SCAPER: variants seen among roughly 807,000 people sequenced by gnomAD.
The protein encoded by SCAPER is S phase cyclin A-associated protein in the endoplasmic reticulum.
SCAPER carries 98 observed loss-of-function variants against 182.2 expected under a neutral mutation model. The ratio of observed to expected loss-of-function variants is 0.54; its 90% CI spans 0.46 to 0.64. The LOEUF is 0.64. Among genes scored for constraint, SCAPER ranks in the 30% least tolerant of loss-of-function variants. SCAPER has a pLI of 0.00. For synonymous variants in SCAPER, 605 were observed against 564.6 expected, an observed-to-expected ratio of 1.07 and a Z score of -1.01; for missense variants, 1,432 against 1,690.0, an observed-to-expected ratio of 0.85 and a Z score of 2.68.
At position 76,362,216 on chromosome 15, in the gene SCAPER, A is replaced by T. The variant is rs989555331; in HGVS notation, c.3856-8076T>A. Among the ~76,000 whole-genome samples the T allele has an allele frequency of 3.3e-5, 5 of 151,246 alleles. No homozygotes were observed. The East Asian group carries it at 9.9e-4, about 30-fold the overall frequency. ...TCGAACTCCTGATCTCAGGTGATCC[A>T]CCCGCCTCGGCCTCCCAAAGTGCTG... On this transcript the variant is annotated intron_variant, in intron 29 of 31. Coordinates refer to ENST00000563290, the MANE Select transcript of SCAPER (RefSeq NM_020843.4).
At chr15:76,375,801 T>C (rs2042518516) in intron 29 of SCAPER, among the ~76,000 whole-genome samples, 1 of 152,110 alleles carries the variant, frequency 6.6e-6, no homozygotes, top group South Asian at 2.1e-4. Flanking sequence ...CTGGCCAACA[T>C]GGCAAAACCC....
chr15:76,899,013 G>A (rs1401362372), intron 1 of SCAPER, among the ~76,000 whole-genome samples: 3 of 152,158 alleles, frequency 2.0e-5, no homozygotes, highest in Admixed American at 6.5e-5. Flanking sequence ...CTACCTTCAT[G>A]ATATTTGCCA....
chr15:76,518,498 T>C (rs1363823642), intron 23 of SCAPER, among the ~76,000 whole-genome samples: 1 of 152,194 alleles, frequency 6.6e-6, no homozygotes, highest in Non-Finnish European at 1.5e-5. Flanking sequence ...CTGCTTAATT[T>C]AGTCTAAAGG....
intron 1 of SCAPER, among the ~76,000 whole-genome samples, chr15:76,893,871 G>C (rs1476316229): frequency 2.0e-5 from 3 of 152,152 alleles, no homozygotes; most frequent in African/African-American, 7.2e-5. Flanking sequence ...TGAAACAAGT[G>C]AAAATGGTAA....
Position 76,718,761 on chromosome 15 carries a change from C to T in SCAPER, c.2165+9834G>A, listed in dbSNP as rs373241030. The stretch of plus-strand genomic sequence containing the variant: ...AAAATGGGTAAAGAATCGCCATAGA[C>T]ATTTCTCCAAAGAAGTCATAGTCAG... On this transcript the variant is annotated intron_variant, in intron 17 of 31. Coordinates refer to ENST00000563290, the MANE Select transcript of SCAPER (RefSeq NM_020843.4). Among the ~76,000 whole-genome samples, 3 of 151,932 alleles carry T rather than the reference C, an allele frequency of 2.0e-5. No individual in the cohort carries two copies. In the East Asian group the frequency reaches 5.8e-4, roughly 29 times the overall value.
Position 76,775,111 on chromosome 15 carries a change from T to G in SCAPER, c.779A>C (p.Lys260Thr). The change falls in exon 9 of 32, where the codon AAA becomes ACA. Residue 260 changes from lysine (K) to threonine (T), a missense_variant. Around this residue, in one of 5 missense-constraint regions of SCAPER, gnomAD observed 480 missense variants for 510.2 expected, o/e 0.94. Coordinates refer to ENST00000563290, the MANE Select transcript of SCAPER (RefSeq NM_020843.4). ...AACGGTCTCCCATCCTTCAGCATCT[T>G]TCCGTTCTATGCAATTAAAGTAAAA... ...VQKASRKNER[K>T]DAEGWETVQR... is the part of the protein sequence containing the mutation. 1 of 1,607,858 alleles carries G rather than the reference T, an allele frequency of 6.2e-7. No homozygotes were observed. The highest frequency in any genetic ancestry group is 8.5e-7 in the Non-Finnish European group (1 of 1,177,130).
chr15:76,446,073 A>G (rs1042709013), intron 25 of SCAPER, among the ~76,000 whole-genome samples: 28 of 152,160 alleles, frequency 1.8e-4, no homozygotes, highest in Admixed American at 1.7e-3. Flanking sequence ...GTTCCATGAT[A>G]ACAGCTCATC....
At chr15:76,655,868 A>G (rs1311968837) in intron 21 of SCAPER, among the ~76,000 whole-genome samples, 2 of 152,188 alleles carry the variant, frequency 1.3e-5, no homozygotes, top group Admixed American at 6.5e-5. Context: ...AAGGGAATTC[A>G]TTACCACAGA....
chr15:76,495,315 C>T (rs201148336), intron 24 of SCAPER, among the ~76,000 whole-genome samples: 5 of 151,990 alleles, frequency 3.3e-5, no homozygotes, highest in East Asian at 3.9e-4. Context: ...TGGTGGCTCA[C>T]GCCTGTAATC....
At chr15:76,844,079 C>G (rs972913567) in intron 4 of SCAPER, among the ~76,000 whole-genome samples, 1 of 152,206 alleles carries the variant, frequency 6.6e-6, no homozygotes, top group Non-Finnish European at 1.5e-5. Context: ...CTCAAATTAA[C>G]TTAAGTGATG....
chr15:76,508,300 TTAAG>T (rs1163942154), intron 23 of SCAPER, among the ~76,000 whole-genome samples: 1 of 152,190 alleles, frequency 6.6e-6, no homozygotes, highest in Non-Finnish European at 1.5e-5. Flanking sequence ...ATCCACTTAT[TTAAG>T]TGTTTCACTG....
intron 25 of SCAPER, 91 bp downstream of exon 25, chr15:76,471,121 G>T (rs1474119355): frequency 2.6e-5 from 24 of 930,310 alleles, no homozygotes; most frequent in East Asian, 7.2e-5. Flanking sequence ...TTCATCTGGA[G>T]AGTAACTAAG....
intron 2 of SCAPER, among the ~76,000 whole-genome samples, chr15:76,864,471 A>T (rs1009996571): frequency 3.3e-5 from 5 of 152,210 alleles, no homozygotes; most frequent in Non-Finnish European, 7.3e-5. Flanking sequence ...ATTAGTTCTC[A>T]TCTTCACCTG....
intron 8 of SCAPER, among the ~76,000 whole-genome samples, chr15:76,786,995 T>C (rs1273077720): frequency 1.3e-5 from 2 of 152,050 alleles, no homozygotes; most frequent in Admixed American, 6.6e-5. Flanking sequence ...CCTAAAGAAA[T>C]AGAGGGACAT....
At position 76,701,908 on chromosome 15, in the gene SCAPER, T is replaced by C. The variant is rs748068032; in HGVS notation, c.2401-43A>G. 6 of 1,435,664 alleles carry C rather than the reference T, an allele frequency of 4.2e-6. No individual in the cohort carries two copies. In the South Asian group the frequency reaches 5.8e-5, roughly 14 times the overall value. 88.9% of individuals were successfully genotyped at this position (1,435,664 alleles called of 1,614,324 possible). On this transcript the variant is annotated intron_variant, in intron 19 of 31. Transcript: ENST00000563290. ...AAGCAATGTAATCAATATAACATTA[T>C]ATGAATTTTAAACACTACACATTCA...
In SCAPER at chr15:76,514,770, A is replaced by G. The variant is rs76575313; in HGVS notation, c.2839-9796T>C. ...AGAGATGAGAACGTCCTGAAGTGAAAATTTTTATGGTCGTTTTTCCCAATA... is the reference window on the plus strand; with the variant it reads ...AGAGATGAGAACGTCCTGAAGTGAAGATTTTTATGGTCGTTTTTCCCAATA... On this transcript the variant is annotated intron_variant, in intron 23 of 31. Transcript: ENST00000563290. Among the ~76,000 whole-genome samples the G allele has an allele frequency of 9.7e-3, 1,475 of 152,306 alleles. 23 individuals carry two copies. The highest frequency in any genetic ancestry group is 0.034 in the African/African-American group (1,428 of 41,558).
rs114870415 is a variant in SCAPER at position 76,499,632 on chromosome 15, A to C, written c.2954+5227T>G. On this transcript the variant is annotated intron_variant, in intron 24 of 31. Coordinates refer to ENST00000563290, the MANE Select transcript of SCAPER (RefSeq NM_020843.4). ...ACTTGGGGAGATGATGGTACAGCAG[A>C]CGGAGTACTTGGCAATGCAGCACAT... Among the ~76,000 whole-genome samples, 1,240 of 152,320 alleles carry C rather than the reference A, an allele frequency of 8.1e-3. 13 individuals carry two copies. The highest frequency in any genetic ancestry group is 0.028 in the African/African-American group (1,176 of 41,566).
intron 23 of SCAPER, among the ~76,000 whole-genome samples, chr15:76,529,782 TGA>T (rs2043494213): frequency 6.6e-6 from 1 of 152,216 alleles, no homozygotes; most frequent in Non-Finnish European, 1.5e-5. Flanking sequence ...GAGAAAGTAG[TGA>T]GAGAATAGGT....
chr15:76,887,586 A>G (rs2152576986), intron 1 of SCAPER, among the ~76,000 whole-genome samples: 1 of 152,346 alleles, frequency 6.6e-6, no homozygotes, highest in Admixed American at 6.5e-5. Flanking sequence ...GCAAGGCTGC[A>G]GCCCAGTCAG....
Sources: gnomAD v4.1 joint callset for allele counts (sites outside exome capture counted in the v4.1 genomes callset) on GRCh38, gnomAD v4.1.1 for gene constraint, gnomAD v4.1.1 regional missense constraint, MANE v1.5 for transcripts, NCBI Gene and HGNC (gene_info 2026-07-23, HGNC 2026-07-21) for gene names.